Variants in DMD observed in about 807,000 individuals in gnomAD.
The protein encoded by DMD is dystrophin.
Under a neutral mutation model 330.1 loss-of-function variants are expected in DMD, and 63 were observed. That is an observed-to-expected ratio of 0.19 (90% CI 0.16 to 0.24). The LOEUF is 0.24. DMD is among the 10% of genes least tolerant of loss of function. DMD has a pLI of 1.00. For missense variants in DMD, 3,344 were observed against 2,684.1 expected (o/e 1.25, Z -5.43); for synonymous variants, 1,223 against 959.8 (o/e 1.27, Z -5.07).
At chrX:31,448,379 T>C (rs951667323) in intron 59 of DMD, among the ~76,000 whole-genome samples, 1 of 112,244 alleles carries the variant, frequency 8.9e-6, no homozygotes, top group African/African-American at 3.2e-5. Context: ...CTCACCACTG[T>C]GGGCTCTCAG....
intron 7 of DMD, among the ~76,000 whole-genome samples, chrX:32,751,164 G>A (rs1197113117): frequency 8.9e-6 from 1 of 111,970 alleles, no homozygotes; most frequent in African/African-American, 3.3e-5. Context: ...ACGTGAAAAT[G>A]TGGAAGCAAC....
chrX:31,194,624 G>A (rs1189565225), intron 67 of DMD, among the ~76,000 whole-genome samples: 1 of 112,224 alleles, frequency 8.9e-6, no homozygotes, highest in African/African-American at 3.2e-5. Context: ...ACACAGATGA[G>A]TGTTCTTTAG....
intron 37 of DMD, among the ~76,000 whole-genome samples, chrX:32,361,450 A>G (rs1404648328): frequency 2.6e-4 from 29 of 111,700 alleles, no homozygotes; most frequent in Non-Finnish European, 1.9e-5. Context: ...TAAGGTCTCT[A>G]TGTATGGAGA....
chrX:32,519,191 G>T (rs1433118976), intron 17 of DMD, among the ~76,000 whole-genome samples: 3 of 100,004 alleles, frequency 3.0e-5, no homozygotes, highest in African/African-American at 1.1e-4. Flanking sequence ...GAACCCGGAG[G>T]AAATTATGTT....
At chrX:31,174,721 A>G (rs2040339497) in intron 71 of DMD, among the ~76,000 whole-genome samples, 1 of 111,752 alleles carries the variant, frequency 8.9e-6, no homozygotes, top group East Asian at 2.8e-4. Context: ...TTCTTACATT[A>G]AAAAAGAAAA....
chrX:32,176,654 T>C (rs2096907545), intron 44 of DMD, among the ~76,000 whole-genome samples: 1 of 111,315 alleles, frequency 9.0e-6, no homozygotes, highest in South Asian at 3.8e-4. Flanking sequence ...AGGTTAGGGA[T>C]GAAGCACCAG....
chrX:32,008,116 A>G (rs7064761), intron 44 of DMD, among the ~76,000 whole-genome samples: 8,697 of 111,048 alleles, frequency 0.078, 781 homozygotes, highest in African/African-American at 0.27. Context: ...CGGTGTGACT[A>G]TGAACATATG....
At chrX:32,569,877 T>A (rs2052200612) in intron 15 of DMD, among the ~76,000 whole-genome samples, 1 of 111,745 alleles carries the variant, frequency 8.9e-6, no homozygotes, top group African/African-American at 3.3e-5. Context: ...AACAGGTTTC[T>A]TCTTGACTTG....
intron 7 of DMD, among the ~76,000 whole-genome samples, chrX:32,779,064 C>T (rs1001377452): frequency 1.8e-5 from 2 of 111,514 alleles, no homozygotes; most frequent in African/African-American, 6.5e-5. Context: ...ATATCTTGGG[C>T]ACCAATTATT....
intron 29 of DMD, among the ~76,000 whole-genome samples, chrX:32,422,022 C>A (rs1292374507): frequency 9.0e-6 from 1 of 111,432 alleles, no homozygotes; most frequent in East Asian, 2.8e-4. Context: ...TCTACTTCAG[C>A]AGGGAACTAT....
chrX:33,330,448 A>G (rs1399312674), intron 1 of DMD, among the ~76,000 whole-genome samples: 2 of 111,865 alleles, frequency 1.8e-5, no homozygotes, highest in Non-Finnish European at 3.8e-5. Flanking sequence ...ATTTAACTTT[A>G]TACATGAGTG....
chrX:32,392,312 G>A (rs913245938), intron 30 of DMD, among the ~76,000 whole-genome samples: 2 of 111,609 alleles, frequency 1.8e-5, no homozygotes, highest in Non-Finnish European at 3.8e-5. Flanking sequence ...AGGCTGGAAC[G>A]CAATAGCACG....
intron 21 of DMD, among the ~76,000 whole-genome samples, chrX:32,474,794 C>T (rs1011964230): frequency 9.0e-6 from 1 of 111,517 alleles, no homozygotes; most frequent in Non-Finnish European, 1.9e-5. Flanking sequence ...TTTTATCCCA[C>T]TCCATGGGTT....
chrX:33,112,995 C>CA (rs2095351947), intron 1 of DMD, among the ~76,000 whole-genome samples: 2 of 105,357 alleles, frequency 1.9e-5, no homozygotes, highest in South Asian at 8.1e-4. Flanking sequence ...TAATTGCATA[C>CA]AAAAAAGAAA....
chrX:31,445,625 C>T (rs1487708316), intron 59 of DMD, among the ~76,000 whole-genome samples: 1 of 111,604 alleles, frequency 9.0e-6, no homozygotes, highest in Non-Finnish European at 1.9e-5. Context: ...GGTATTTTGT[C>T]AAGTCCTCAG....
At chrX:31,758,499 A>G (rs767963402) in intron 51 of DMD, among the ~76,000 whole-genome samples, 9 of 111,290 alleles carry the variant, frequency 8.1e-5, no homozygotes, top group Admixed American at 6.7e-4. Flanking sequence ...GCTTTTTTGG[A>G]AGCTCTTAGA....
intron 67 of DMD, among the ~76,000 whole-genome samples, chrX:31,185,965 C>G (rs2041737050): frequency 9.0e-6 from 1 of 111,693 alleles, no homozygotes; most frequent in Non-Finnish European, 1.9e-5. Context: ...TAGTATCACA[C>G]AAGTCATGGG....
chrX:33,028,696 C>G (rs946180963), intron 1 of DMD, among the ~76,000 whole-genome samples: 2 of 112,418 alleles, frequency 1.8e-5, no homozygotes, highest in African/African-American at 6.5e-5. Flanking sequence ...CATAACTTAT[C>G]AATCAATCCT....
chrX:31,128,962 G>A (rs1429695082), intron 77 of DMD, among the ~76,000 whole-genome samples: 3 of 111,800 alleles, frequency 2.7e-5, no homozygotes, highest in Non-Finnish European at 5.7e-5. Context: ...TTTCAGATAT[G>A]TTTCATTTTC....
Sources: allele counts gnomAD v4.1 joint callset (sites outside exome capture counted in the v4.1 genomes callset), GRCh38; gene constraint gnomAD v4.1.1; transcripts MANE v1.5; gene names NCBI Gene and HGNC (gene_info 2026-07-23, HGNC 2026-07-21).